The following ATP6V0C variants were observed in gnomAD, a reference collection of about 807,000 sequenced individuals.
The protein encoded by ATP6V0C is ATPase H+ transporting V0 subunit c, also known as V-type proton ATPase 16 kDa proteolipid subunit c.
Under a neutral mutation model 10.6 loss-of-function variants are expected in ATP6V0C, and 2 were observed. That is an observed-to-expected ratio of 0.19 (90% CI 0.08 to 0.59). The LOEUF (loss-of-function observed/expected upper bound fraction) is 0.59, where lower values mean the gene tolerates loss of function less well. Ranked by LOEUF, ATP6V0C falls within the 20% of genes least tolerant of loss-of-function variation. The pLI, the probability that ATP6V0C is intolerant of heterozygous loss-of-function variation, is 0.90. For missense variants in ATP6V0C, 89 were observed against 225.9 expected (o/e 0.39, Z 3.88); for synonymous variants, 128 against 101.3 (o/e 1.26, Z -1.59).
In ATP6V0C at chr16:2,516,884, AG is replaced by A. The variant is rs546277201; in HGVS notation, c.80-2331del. 5.9e-3 allele frequency: 900 copies of A among 152,504 alleles called. 7 individuals carry two copies. The highest frequency in any genetic ancestry group is 8.2e-3 in the Non-Finnish European group (562 of 68,150). 9.4% of individuals were successfully genotyped at this position (152,504 alleles called of 1,614,324 possible). A position where few individuals can be genotyped will look rare whatever the true frequency, so the allele number is the denominator to read the frequency against. On this transcript the variant is annotated intron_variant, in intron 1 of 2. Coordinates refer to ENST00000330398, the MANE Select transcript of ATP6V0C (RefSeq NM_001694.4). ...AGGCTTGGCCTCCGGACTGGAGTCC[AG>A]GGTGCTCATGGTATTCCGCTCCTGG...
At chr16:2,518,504 C>T (rs536048531) in intron 1 of ATP6V0C, among the ~76,000 whole-genome samples, 4 of 152,196 alleles carry the variant, frequency 2.6e-5, no homozygotes, top group East Asian at 1.9e-4. Context: ...TGATCCCCGT[C>T]GTCTTCTCTG....
At chr16:2,513,935 G>C (rs2141888357), upstream of ATP6V0C, 1 of 578,640 alleles carries the variant, frequency 1.7e-6, no homozygotes, top group South Asian at 2.2e-5. Flanking sequence ...ATGTGACGCG[G>C]CCGCGGCCGC....
intron 1 of ATP6V0C, among the ~76,000 whole-genome samples, chr16:2,514,643 C>T (rs964994551): frequency 2.6e-5 from 4 of 152,166 alleles, no homozygotes; most frequent in Non-Finnish European, 5.9e-5. Context: ...CTGGAGCTTT[C>T]CGGCTGGTGG....
intron 1 of ATP6V0C, among the ~76,000 whole-genome samples, chr16:2,515,796 A>G (rs148542825): frequency 1.3e-5 from 2 of 152,352 alleles, no homozygotes; most frequent in East Asian, 1.9e-4. Context: ...CTGGTAGGAC[A>G]GCAGTGAACA....
upstream of ATP6V0C, chr16:2,513,785 A>G (rs560187647): frequency 3.5e-3 from 632 of 179,998 alleles, 2 homozygotes; most frequent in African/African-American, 0.013. Context: ...AGGCCGAGGC[A>G]GGGCGGGGCC....
chr16:2,514,121 C>G lies in ATP6V0C; in HGVS notation c.18C>G (p.Ser6Arg). 1 of 1,585,444 alleles carries G rather than the reference C, an allele frequency of 6.3e-7. No homozygotes were observed. The highest frequency in any genetic ancestry group is 8.6e-7 in the Non-Finnish European group (1 of 1,167,028). The part of the protein sequence containing the change: MSESK[S>R]GPEYASFFAV... ...CCGCAGACATGTCCGAGTCCAAGAGCGGCCCCGAGTATGCTTCGTTTTTCG... is the reference window on the plus strand; with the variant it reads ...CCGCAGACATGTCCGAGTCCAAGAGGGGCCCCGAGTATGCTTCGTTTTTCG... Residue 6 changes from serine (S) to arginine (R), a missense_variant, in exon 1 of 3, where the codon AGC becomes AGG. Around this residue, in one of 4 missense-constraint regions of ATP6V0C, gnomAD observed 26 missense variants for 33.7 expected, o/e 0.77. Coordinates refer to ENST00000330398, the MANE Select transcript of ATP6V0C (RefSeq NM_001694.4).
chr16:2,520,165 C>T lies in ATP6V0C; in HGVS notation c.*420C>T, dbSNP rs2065904878. On this transcript the variant is annotated 3_prime_UTR_variant, in exon 3 of 3. Coordinates refer to ENST00000330398, the MANE Select transcript of ATP6V0C (RefSeq NM_001694.4). ...ACTTCCTGGATGGAGCCGCCCTCAC[C>T]GCCGGGCCCGTGGCCCTGCGCGGAG... 6 of 525,112 alleles carry T rather than the reference C, an allele frequency of 1.1e-5. No individual in the cohort carries two copies. Among genetic ancestry groups the T allele is most frequent in the East Asian group, 7.3e-5 (2 of 27,518 alleles). 32.5% of individuals were successfully genotyped at this position (525,112 alleles called of 1,614,324 possible). A position where few individuals can be genotyped will look rare whatever the true frequency, so the allele number is the denominator to read the frequency against.
rs1488182118 is a variant in ATP6V0C, at chr16:2,519,572, G to T, written c.295G>T (p.Val99Leu). The change falls in exon 3 of 3, where the codon GTG becomes TTG. Residue 99 changes from valine to leucine, a missense_variant. Val to Leu is a conservative substitution (Grantham distance 32). Coordinates refer to ENST00000330398, the MANE Select transcript of ATP6V0C (RefSeq NM_001694.4). ...SFLQLGAGLS[V>L]GLSGLAAGFA... ...CCTCCAGCTGGGCGCCGGCCTGAGC[G>T]TGGGCCTGAGCGGCCTGGCAGCCGG... The T allele has an allele frequency of 1.9e-6, 3 of 1,573,204 alleles. No homozygotes were observed. Among genetic ancestry groups the T allele is most frequent in the East Asian group, 2.3e-5 (1 of 44,242 alleles).
chr16:2,516,676 T>A (rs895917264), intron 1 of ATP6V0C: 1 of 152,484 alleles, frequency 6.6e-6, no homozygotes, highest in Non-Finnish European at 1.5e-5. Context: ...TCCTGTTCTT[T>A]CTTCATCATG....
upstream of ATP6V0C, chr16:2,513,845 A>C (rs2065862349): frequency 2.6e-5 from 8 of 308,698 alleles, no homozygotes; most frequent in Non-Finnish European, 1.8e-5. Flanking sequence ...GGGGGAGGTC[A>C]ACGGGCCGGC....
In ATP6V0C at chr16:2,519,844, C is replaced by G; in HGVS notation, c.*99C>G. On this transcript the variant is annotated 3_prime_UTR_variant, in exon 3 of 3. Transcript: ENST00000330398. The stretch of plus-strand genomic sequence containing the variant: ...ACACATACGCACGGGGCCGCCGCCC[C>G]CAGTAGTTGGTCTTGTACATGCGCA... 3 of 1,475,748 alleles carry G rather than the reference C, an allele frequency of 2.0e-6. No individual in the cohort carries two copies. The highest frequency in any genetic ancestry group is 2.8e-6 in the Non-Finnish European group (3 of 1,066,328). 91.4% of individuals were successfully genotyped at this position (1,475,748 alleles called of 1,614,324 possible).
Position 2,514,013 on chromosome 16 carries a change from C to T in ATP6V0C, c.-91C>T, listed in dbSNP as rs1596981734. The T allele has an allele frequency of 1.6e-6, 2 of 1,246,216 alleles. No homozygotes were observed. The highest frequency in any genetic ancestry group is 1.1e-6 in the Non-Finnish European group (1 of 903,626). The allele number at this position is 1,246,216 out of a possible 1,614,324, so 77.2% of individuals were successfully genotyped here. A position where few individuals can be genotyped will look rare whatever the true frequency, so the allele number is the denominator to read the frequency against. ...CGGGCCGGATCGCCTTCGCCGCCGC[C>T]CGCCCGCAAACCTTCGTGCCCGGCC... On this transcript the variant is annotated 5_prime_UTR_variant, in exon 1 of 3. Coordinates refer to ENST00000330398, the MANE Select transcript of ATP6V0C (RefSeq NM_001694.4).
intron 1 of ATP6V0C, chr16:2,519,001 C>T (rs1444457257): frequency 3.0e-5 from 16 of 529,888 alleles, no homozygotes; most frequent in South Asian, 5.2e-5. Flanking sequence ...GGGGGCCTCA[C>T]GTAGAGGAAG....
At chr16:2,516,349 C>G (rs369088543) in intron 1 of ATP6V0C, among the ~76,000 whole-genome samples, 24 of 152,126 alleles carry the variant, frequency 1.6e-4, no homozygotes, top group Admixed American at 7.9e-4. Flanking sequence ...TTGCCTCAAA[C>G]GATCCACCTG....
Position 2,519,977 on chromosome 16 carries a change from C to T in ATP6V0C, c.*232C>T, listed in dbSNP as rs960554799. 1.8e-5 allele frequency: 13 copies of T among 703,782 alleles called. No individual in the cohort carries two copies. The highest frequency in any genetic ancestry group is 6.0e-5 in the Admixed American group (3 of 49,890). The allele number at this position is 703,782 out of a possible 1,614,324, so 43.6% of individuals were successfully genotyped here. ...CTCCAGGCCCCCGGCGCCCCACCCC[C>T]TAGAGTGCTCTGTGTATGCGGATGA... On this transcript the variant is annotated 3_prime_UTR_variant, in exon 3 of 3. Coordinates refer to ENST00000330398, the MANE Select transcript of ATP6V0C (RefSeq NM_001694.4).
At chr16:2,516,370 G>A (rs533886503) in intron 1 of ATP6V0C, among the ~76,000 whole-genome samples, 96 of 152,106 alleles carry the variant, frequency 6.3e-4, no homozygotes, top group Non-Finnish European at 1.2e-3. Flanking sequence ...CTTCTGCCTC[G>A]TAAAGGGCTG....
Position 2,519,912 on chromosome 16 carries a change from C to A in ATP6V0C, c.*167C>A. On this transcript the variant is annotated 3_prime_UTR_variant, in exon 3 of 3. Coordinates refer to ENST00000330398, the MANE Select transcript of ATP6V0C (RefSeq NM_001694.4). ...GTCTGTTTCCCCGGCCTTGCCCCCGCCCGCCCCGTGCCGTGGACATCTGGG... is the reference window on the plus strand; with the variant it reads ...GTCTGTTTCCCCGGCCTTGCCCCCGACCGCCCCGTGCCGTGGACATCTGGG... The A allele has an allele frequency of 9.9e-7, 1 of 1,008,524 alleles. No individual in the cohort carries two copies. Among genetic ancestry groups the A allele is most frequent in the Non-Finnish European group, 1.5e-6 (1 of 668,912 alleles). 62.5% of individuals were successfully genotyped at this position (1,008,524 alleles called of 1,614,324 possible).
intron 1 of ATP6V0C, 105 bp downstream of exon 1, chr16:2,514,287 G>A: frequency 8.1e-7 from 1 of 1,241,494 alleles, no homozygotes; most frequent in Non-Finnish European, 1.1e-6. Context: ...GTAATCCCGA[G>A]CTGTCGGGGG....
chr16:2,518,980 ACT>A (rs2065892641), intron 1 of ATP6V0C: 1 of 495,424 alleles, frequency 2.0e-6, no homozygotes, highest in Non-Finnish European at 3.6e-6. Context: ...GAAGAGCTGG[ACT>A]CTGAGGGTGG....
Sources: gnomAD v4.1 joint callset for allele counts (sites outside exome capture counted in the v4.1 genomes callset) on GRCh38, gnomAD v4.1.1 for gene constraint, gnomAD v4.1.1 regional missense constraint, MANE v1.5 for transcripts, NCBI Gene and HGNC (gene_info 2026-07-23, HGNC 2026-07-21) for gene names.